ITPRID1: variants seen among roughly 807,000 people sequenced by gnomAD.
ITPRID1 encodes the protein ITPR interacting domain containing 1, also known as protein ITPRID1.
In ITPRID1, 96 loss-of-function variants were observed where a neutral mutation model predicts 95.4. The observed-to-expected ratio is 1.01, with a 90% CI of 0.85 to 1.19. The LOEUF (loss-of-function observed/expected upper bound fraction) is 1.19. Among genes scored for constraint, ITPRID1 ranks in the 50% most tolerant of loss-of-function variants. The probability of loss-of-function intolerance (pLI) is 0.00; values close to 1 mark genes in which losing one functional copy is unlikely to be tolerated. For missense variants in ITPRID1, 1,339 were observed against 1,252.9 expected, an observed-to-expected ratio of 1.07 and a Z score of -1.04; for synonymous variants, 510 against 453.6, an observed-to-expected ratio of 1.12 and a Z score of -1.58.
At chr7:31,641,404 C>G (rs1415394679) in intron 10 of ITPRID1, among the ~76,000 whole-genome samples, 1 of 152,142 alleles carries the variant, frequency 6.6e-6, no homozygotes, top group African/African-American at 2.4e-5. Context: ...CCTTGCAACC[C>G]CCTTCCTCCT....
intron 10 of ITPRID1, among the ~76,000 whole-genome samples, chr7:31,639,420 T>C (rs571232747): frequency 1.9e-5 from 2 of 106,546 alleles, no homozygotes; most frequent in African/African-American, 8.3e-5. Context: ...TTTTCATCTC[T>C]AGACATTCAA....
intron 10 of ITPRID1, among the ~76,000 whole-genome samples, chr7:31,610,398 AAC>A (rs1282531732): frequency 3.3e-5 from 5 of 151,852 alleles, no homozygotes; most frequent in Non-Finnish European, 7.4e-5. Flanking sequence ...TATGACATGT[AAC>A]ACATAGTATA....
At chr7:31,618,386 C>CACTACTAATT (rs1787473934) in intron 10 of ITPRID1, among the ~76,000 whole-genome samples, 2 of 152,154 alleles carry the variant, frequency 1.3e-5, no homozygotes, top group Non-Finnish European at 2.9e-5. Flanking sequence ...TAACACACAC[C>CACTACTAATT]ACTACTAATT....
At chr7:31,562,490 A>G (rs570871554) in intron 5 of ITPRID1, among the ~76,000 whole-genome samples, 41 of 152,226 alleles carry the variant, frequency 2.7e-4, no homozygotes, top group Non-Finnish European at 4.7e-4. Context: ...TTGTTTCAGA[A>G]TAGGAACTTA....
chr7:31,643,341 T>C lies in ITPRID1; in HGVS notation c.1971T>C (p.Ala657=), dbSNP rs1405141878. 1 of 1,613,968 alleles carries C rather than the reference T, an allele frequency of 6.2e-7. No individual in the cohort carries two copies. Among genetic ancestry groups the C allele is most frequent in the Non-Finnish European group, 8.5e-7 (1 of 1,179,890 alleles). The change falls in exon 12 of 15, where the codon GCT becomes GCC. Residue 657 remains alanine, a synonymous_variant. Transcript: ENST00000615280. Reference sequence around the variant, plus strand: ...TCACACCTTATGCAACTGACCTTGCTCAAACATCTGAAAAGCTCATTCCCC... The same window carrying C: ...TCACACCTTATGCAACTGACCTTGCCCAAACATCTGAAAAGCTCATTCCCC... ...SEITPYATDL[A]QTSEKLIPHL...
chr7:31,599,631 TTC>T (rs1356435693), intron 10 of ITPRID1, among the ~76,000 whole-genome samples: 3,613 of 104,646 alleles, frequency 0.035, 197 homozygotes, highest in African/African-American at 0.073. Context: ...CTTTCTTTCT[TTC>T]TTTCTTTCTT....
At chr7:31,615,269 C>G (rs914272055) in intron 10 of ITPRID1, among the ~76,000 whole-genome samples, 1 of 152,052 alleles carries the variant, frequency 6.6e-6, no homozygotes, top group Non-Finnish European at 1.5e-5. Flanking sequence ...ATGGAAAAAA[C>G]ATGAAGATAG....
At chr7:31,594,382 T>C (rs1189474861) in intron 10 of ITPRID1, among the ~76,000 whole-genome samples, 1 of 152,214 alleles carries the variant, frequency 6.6e-6, no homozygotes, top group African/African-American at 2.4e-5. Flanking sequence ...CATGCACAGA[T>C]TGCTTCCAGA....
intron 10 of ITPRID1, among the ~76,000 whole-genome samples, chr7:31,619,850 T>G (rs1787647731): frequency 6.6e-6 from 1 of 152,162 alleles, no homozygotes; most frequent in Non-Finnish European, 1.5e-5. Flanking sequence ...TTCCCTTTCC[T>G]AGTCAAAGAA....
At chr7:31,534,358 T>G (rs1462563912) in intron 1 of ITPRID1, among the ~76,000 whole-genome samples, 1 of 152,210 alleles carries the variant, frequency 6.6e-6, no homozygotes, top group Admixed American at 6.5e-5. Context: ...TTCATGTTTA[T>G]CAGGAGAGAT....
intron 10 of ITPRID1, among the ~76,000 whole-genome samples, chr7:31,591,893 A>C (rs924589435): frequency 1.3e-5 from 2 of 152,208 alleles, no homozygotes; most frequent in African/African-American, 2.4e-5. Context: ...AGTGGAATGA[A>C]AACACCTAAA....
At chr7:31,619,606 C>G (rs1293696663) in intron 10 of ITPRID1, among the ~76,000 whole-genome samples, 2 of 151,870 alleles carry the variant, frequency 1.3e-5, no homozygotes, top group Non-Finnish European at 1.5e-5. Flanking sequence ...GTTCTTTTAA[C>G]AGTTAAAGAA....
chr7:31,584,381 C>T (rs530487466), intron 10 of ITPRID1, among the ~76,000 whole-genome samples: 20 of 152,276 alleles, frequency 1.3e-4, no homozygotes, highest in African/African-American at 4.6e-4. Context: ...ACCACATAAC[C>T]TGCATTGAGG....
intron 1 of ITPRID1, among the ~76,000 whole-genome samples, chr7:31,525,791 A>G (rs894669611): frequency 2.0e-5 from 3 of 152,220 alleles, no homozygotes; most frequent in Non-Finnish European, 2.9e-5. Context: ...ATCTCATGCT[A>G]TGCATTTAAC....
chr7:31,658,234 AT>A, downstream of ITPRID1: 1 of 1,467,732 alleles, frequency 6.8e-7, no homozygotes, highest in East Asian at 2.5e-5. Context: ...AAAATGTTGC[AT>A]TAGGTTTTGT....
Position 31,642,857 on chromosome 7 carries a change from G to A in ITPRID1, c.1487G>A (p.Arg496Lys). Residue 496 changes from arginine to lysine, a missense_variant, in exon 12 of 15, where the codon AGG becomes AAG. Transcript: ENST00000615280. ...SSQEANALEQ[R>K]ASVSVMEEEF... is the part of the protein sequence containing the mutation. ...CAAGAAGCGAATGCCTTGGAACAAA[G>A]GGCCTCAGTATCTGTGATGGAGGAA... 6.2e-7 allele frequency: 1 copy of A among 1,614,034 alleles called. No individual in the cohort carries two copies. The highest frequency in any genetic ancestry group is 8.5e-7 in the Non-Finnish European group (1 of 1,179,896).
chr7:31,656,125 C>A lies in ITPRID1; in HGVS notation c.*3296C>A. The A allele has an allele frequency of 1.5e-6, 1 of 689,034 alleles. No individual in the cohort carries two copies. Among genetic ancestry groups the A allele is most frequent in the Non-Finnish European group, 1.8e-6 (1 of 559,766 alleles). 42.7% of individuals were successfully genotyped at this position (689,034 alleles called of 1,614,324 possible). ...TCCTTATTTTTTGAAACTCCTATAT[C>A]ACTTTGCTTTTTTGTTAAAACACTG... On this transcript the variant is annotated 3_prime_UTR_variant, in exon 15 of 15. Transcript: ENST00000615280.
chr7:31,623,081 A>G (rs1449584374), intron 10 of ITPRID1, among the ~76,000 whole-genome samples: 1 of 152,198 alleles, frequency 6.6e-6, no homozygotes, highest in Non-Finnish European at 1.5e-5. Flanking sequence ...GAATAGGCCA[A>G]TAACAGGATC....
chr7:31,586,774 C>T (rs1409791594), intron 10 of ITPRID1, among the ~76,000 whole-genome samples: 2 of 151,732 alleles, frequency 1.3e-5, no homozygotes, highest in Non-Finnish European at 2.9e-5. Context: ...CGAAAATTTT[C>T]TCCCATTTTG....
Sources: allele counts gnomAD v4.1 joint callset (sites outside exome capture counted in the v4.1 genomes callset), GRCh38; gene constraint gnomAD v4.1.1; transcripts MANE v1.5; gene names NCBI Gene and HGNC (gene_info 2026-07-23, HGNC 2026-07-21).